Variants in MAML1 observed in about 807,000 individuals in gnomAD.
MAML1 encodes the protein mastermind like transcriptional coactivator 1, also known as mastermind-like protein 1.
A neutral mutation model predicts 77.1 loss-of-function variants in MAML1; 14 were observed. The ratio of observed to expected loss-of-function variants is 0.18; its 90% CI spans 0.12 to 0.28. The LOEUF is 0.28. Among genes scored for constraint, MAML1 ranks in the 10% least tolerant of loss-of-function variants. MAML1 has a pLI of 1.00. For missense variants in MAML1, 1,217 were observed against 1,327.8 expected (o/e 0.92, Z 1.30); for synonymous variants, 516 against 551.9 (o/e 0.93, Z 0.91).
chr5:179,776,306 C>G lies in MAML1; in HGVS notation c.*1429C>G. 1.0e-6 allele frequency: 1 copy of G among 985,852 alleles called. No homozygotes were observed. Among genetic ancestry groups the G allele is most frequent in the Non-Finnish European group, 1.2e-6 (1 of 829,954 alleles). 61.1% of individuals were successfully genotyped at this position (985,852 alleles called of 1,614,324 possible). A position where few individuals can be genotyped will look rare whatever the true frequency, so the allele number is the denominator to read the frequency against. On this transcript the variant is annotated 3_prime_UTR_variant, in exon 5 of 5. Transcript: ENST00000292599. Reference sequence around the variant, plus strand: ...CTCCCAATGGATCATTCAGGAGTGTCCTATGTGAGAATTGAGCCAAGGAAA... The same window carrying G: ...CTCCCAATGGATCATTCAGGAGTGTGCTATGTGAGAATTGAGCCAAGGAAA...
At position 179,774,584 on chromosome 5, in the gene MAML1, CCCCCAACAG is replaced by C. The variant is rs1756091062; in HGVS notation, c.2763_2771del (p.Thr922_Pro924del). On this transcript the variant is annotated inframe_deletion, in exon 5 of 5. Coordinates refer to ENST00000292599, the MANE Select transcript of MAML1 (RefSeq NM_014757.5). The stretch of plus-strand genomic sequence containing the variant: ...GACCAGCGCCCCTGCCCCAGCACCA[CCCCCAACAG>C]CCCCTCAGCAGGGCTTGCCTGGCCT... 3 of 1,612,340 alleles carry C rather than the reference CCCCCAACAG, an allele frequency of 1.9e-6. No individual in the cohort carries two copies. The highest frequency in any genetic ancestry group is 2.2e-5 in the South Asian group (2 of 91,052).
In MAML1 at chr5:179,765,557, C is replaced by T. The variant is rs760897990; in HGVS notation, c.547C>T (p.Leu183=). ...LQSSGKHSLG[L]DSLNKKRLAD... ...GTCCAGTGGGAAGCACTCTCTGGGG[C>T]TAGACTCTCTCAACAAAAAGCGTCT... The change falls in exon 2 of 5, where the codon CTA becomes TTA. Residue 183 remains leucine (L), a synonymous_variant. Transcript: ENST00000292599. The T allele has an allele frequency of 1.2e-6, 2 of 1,614,042 alleles. No individual in the cohort carries two copies. Among genetic ancestry groups the T allele is most frequent in the Non-Finnish European group, 1.7e-6 (2 of 1,179,974 alleles).
At position 179,733,355 on chromosome 5, in the gene MAML1, G is replaced by GGCCCCGGCGCCCGCC. The variant is rs1454317271; in HGVS notation, c.252_266dup (p.Ala86_Pro90dup). The GGCCCCGGCGCCCGCC allele has an allele frequency of 6.3e-6, 8 of 1,260,798 alleles. No homozygotes were observed. In the African/African-American group the frequency reaches 1.1e-4, roughly 17 times the overall value. 78.1% of individuals were successfully genotyped at this position (1,260,798 alleles called of 1,614,324 possible). On this transcript the variant is annotated inframe_insertion, in exon 1 of 5. Transcript: ENST00000292599. ...AGCACAGGCAGCCGCCCGCCGCCAC[G>GGCCCCGGCGCCCGCC]GCCCCGGCGCCCGCCGCCCCGGCCC...
intron 1 of MAML1, among the ~76,000 whole-genome samples, chr5:179,756,994 A>G (rs1403928403): frequency 6.6e-6 from 1 of 151,942 alleles, no homozygotes; most frequent in Non-Finnish European, 1.5e-5. Flanking sequence ...CGCCTGGCTA[A>G]TTTTTGTATT....
intron 1 of MAML1, among the ~76,000 whole-genome samples, chr5:179,734,610 T>G (rs1779130377): frequency 6.6e-6 from 1 of 152,208 alleles, no homozygotes; most frequent in African/African-American, 2.4e-5. Flanking sequence ...ATCTGTAAAC[T>G]AGGGGCATGT....
rs1332028116 is a variant in MAML1 at position 179,753,206 on chromosome 5, TGTGTGTGTGTGTGTGTGC to T, written c.316-12118_316-12101del. ...TTTAGTGTGTGTGTGTGTGTGTGTG[TGTGTGTGTGTGTGTGTGC>T]GCGCGCGCGCGCGCGTGCTGGGGTG... On this transcript the variant is annotated intron_variant, in intron 1 of 4. Transcript: ENST00000292599. Among the ~76,000 whole-genome samples, 207 of 115,944 alleles carry T rather than the reference TGTGTGTGTGTGTGTGTGC, an allele frequency of 1.8e-3. 1 individual carries two copies. Among genetic ancestry groups the T allele is most frequent in the African/African-American group, 5.5e-3 (188 of 34,164 alleles). The allele number at this position is 115,944 out of a possible 152,430, so 76.1% of individuals were successfully genotyped here.
At chr5:179,772,779 C>T (rs1423204056) in intron 4 of MAML1, among the ~76,000 whole-genome samples, 3 of 152,038 alleles carry the variant, frequency 2.0e-5, no homozygotes, top group Non-Finnish European at 2.9e-5. Context: ...TGCACCTCCA[C>T]CCCCCATTCC....
At position 179,775,332 on chromosome 5, in the gene MAML1, T is replaced by A. The variant is rs1342387128; in HGVS notation, c.*455T>A. The stretch of plus-strand genomic sequence containing the variant: ...CAATTTGTAGCATAGAAAAGATTTT[T>A]AAATTTTTTTACAAAAGGTTTTTAA... On this transcript the variant is annotated 3_prime_UTR_variant, in exon 5 of 5. Coordinates refer to ENST00000292599, the MANE Select transcript of MAML1 (RefSeq NM_014757.5). The A allele has an allele frequency of 5.1e-6, 5 of 986,656 alleles. No homozygotes were observed. The East Asian group carries it at 4.5e-4, about 89-fold the overall frequency. The allele number at this position is 986,656 out of a possible 1,614,324, so 61.1% of individuals were successfully genotyped here. A position where few individuals can be genotyped will look rare whatever the true frequency, so the allele number is the denominator to read the frequency against.
rs866748239 is a variant in MAML1 at position 179,733,193 on chromosome 5, C to T, written c.81C>T (p.Ile27=). The T allele has an allele frequency of 3.4e-5, 50 of 1,474,758 alleles. No individual in the cohort carries two copies. The African/African-American group carries it at 5.7e-4, about 17-fold the overall frequency. The allele number at this position is 1,474,758 out of a possible 1,614,324, so 91.4% of individuals were successfully genotyped here. A position where few individuals can be genotyped will look rare whatever the true frequency, so the allele number is the denominator to read the frequency against. Residue 27 remains isoleucine, a synonymous_variant, in exon 1 of 5, where the codon ATC becomes ATT. Transcript: ENST00000292599. ...TCATGGAGCGCCTTCGCCGGCGCAT[C>T]GAGCTGTGCCGGCGCCACCACAGCA... ...SAVMERLRRR[I]ELCRRHHSTC...
At chr5:179,764,591 C>T (rs945694960) in intron 1 of MAML1, among the ~76,000 whole-genome samples, 1 of 151,002 alleles carries the variant, frequency 6.6e-6, no homozygotes, top group African/African-American at 2.4e-5. Flanking sequence ...ACCCTGGAGG[C>T]GGAGGTTGCT....
intron 1 of MAML1, among the ~76,000 whole-genome samples, chr5:179,750,624 C>A (rs1242591181): frequency 6.6e-6 from 1 of 152,010 alleles, no homozygotes; most frequent in African/African-American, 2.4e-5. Context: ...CCATGTCCGG[C>A]TAATTATTGT....
At position 179,766,362 on chromosome 5, in the gene MAML1, G is replaced by A. The variant is rs557682663; in HGVS notation, c.1352G>A (p.Ser451Asn). The A allele has an allele frequency of 2.1e-5, 34 of 1,606,364 alleles. No individual in the cohort carries two copies. The East Asian group carries it at 7.4e-4, about 35-fold the overall frequency. Residue 451 changes from serine to asparagine, a missense_variant, in exon 2 of 5, where the codon AGC (serine) becomes AAC (asparagine). By Grantham distance (46) the Ser-to-Asn change is conservative (BLOSUM62 1). Transcript: ENST00000292599. The surrounding 1 kb of genome is among the most constrained non-coding windows in gnomAD (Gnocchi z 4.0). ...CCTTACCCCATGGAGAAGCCTGCCAGCCCTTCCAGCTACAAGCAAGACTTC... is the reference window on the plus strand; with the variant it reads ...CCTTACCCCATGGAGAAGCCTGCCAACCCTTCCAGCTACAAGCAAGACTTC... ...DVPYPMEKPA[S>N]PSSYKQDFTN...
rs1779105960 is a variant in MAML1, at chr5:179,733,380, C to T, written c.268C>T (p.Pro90Ser). 1.5e-5 allele frequency: 18 copies of T among 1,204,918 alleles called. No homozygotes were observed. Among genetic ancestry groups the T allele is most frequent in the Admixed American group, 4.6e-5 (1 of 21,802 alleles). The allele number at this position is 1,204,918 out of a possible 1,614,324, so 74.6% of individuals were successfully genotyped here. The change falls in exon 1 of 5, where the codon CCG becomes TCG. Residue 90 changes from proline (P) to serine (S), a missense_variant. By Grantham distance (74) the Pro-to-Ser change is moderately conservative. Transcript: ENST00000292599. ...GGCCCCGGCGCCCGCCGCCCCGGCCCCGCGCCTGGACGCCGCTGACGGCCC... is the reference window on the plus strand; with the variant it reads ...GGCCCCGGCGCCCGCCGCCCCGGCCTCGCGCCTGGACGCCGCTGACGGCCC... The part of the protein sequence containing the change: ...ATAPAPAAPA[P>S]RLDAADGPEH...
At position 179,768,831 on chromosome 5, in the gene MAML1, C is replaced by T. The variant is rs755402232; in HGVS notation, c.1732-19C>T. The T allele has an allele frequency of 6.2e-7, 1 of 1,613,710 alleles. No homozygotes were observed. Among genetic ancestry groups the T allele is most frequent in the Non-Finnish European group, 8.5e-7 (1 of 1,179,724 alleles). On this transcript the variant is annotated intron_variant, in intron 2 of 4. Coordinates refer to ENST00000292599, the MANE Select transcript of MAML1 (RefSeq NM_014757.5). Reference sequence around the variant, plus strand: ...GATCAGAGCTTAGAGACTTCACAGTCCCCTATCTGTGTTGACAGGAGCAGA... The same window carrying T: ...GATCAGAGCTTAGAGACTTCACAGTTCCCTATCTGTGTTGACAGGAGCAGA...
At chr5:179,764,166 CTGTG>C (rs1779770078) in intron 1 of MAML1, among the ~76,000 whole-genome samples, 1 of 152,134 alleles carries the variant, frequency 6.6e-6, no homozygotes, top group South Asian at 2.1e-4. Flanking sequence ...GTAGCCCTGT[CTGTG>C]TATGTCCCAT....
intron 1 of MAML1, among the ~76,000 whole-genome samples, chr5:179,747,612 C>A (rs1779405116): frequency 6.6e-6 from 1 of 151,854 alleles, no homozygotes; most frequent in Non-Finnish European, 1.5e-5. Context: ...AGATCGAGAC[C>A]ATCTTGGCTA....
intron 1 of MAML1, among the ~76,000 whole-genome samples, chr5:179,754,462 C>T (rs868320970): frequency 6.6e-5 from 10 of 151,880 alleles, no homozygotes; most frequent in East Asian, 1.9e-4. Context: ...AGTATGGTGG[C>T]GCATGCCTGT....
At chr5:179,765,204 G>T in intron 1 of MAML1, 122 bp from the exon 2 acceptor site, 1 of 780,452 alleles carries the variant, frequency 1.3e-6, no homozygotes. Context: ...AGAAATGGGA[G>T]TGTACACTAT....
At chr5:179,761,281 C>G (rs1581940026) in intron 1 of MAML1, among the ~76,000 whole-genome samples, 1 of 152,108 alleles carries the variant, frequency 6.6e-6, no homozygotes, top group East Asian at 1.9e-4. Context: ...GTGGTCCCAG[C>G]TACTCAGGAG....
Sources: allele counts gnomAD v4.1 joint callset (sites outside exome capture counted in the v4.1 genomes callset), GRCh38; gene constraint gnomAD v4.1.1; non-coding constraint Gnocchi (gnomAD v3.1); transcripts MANE v1.5; gene names NCBI Gene and HGNC (gene_info 2026-07-23, HGNC 2026-07-21).